RASA2: variants seen among roughly 807,000 people sequenced by gnomAD.
The protein encoded by RASA2 is ras GTPase-activating protein 2.
RASA2 carries 155 observed loss-of-function variants against 118.2 expected under a neutral mutation model. The observed-to-expected ratio is 1.31, with a 90% CI of 1.15 to 1.50. The LOEUF (loss-of-function observed/expected upper bound fraction) is 1.50. Ranked by LOEUF, RASA2 falls within the 40% of genes most tolerant of loss-of-function variation. RASA2 has a pLI of 0.00. For synonymous variants in RASA2, 353 were observed against 349.1 expected (o/e 1.01, Z -0.12); for missense variants, 1,016 against 1,009.6 (o/e 1.01, Z -0.09).
intron 9 of RASA2, among the ~76,000 whole-genome samples, chr3:141,563,291 T>A (rs1482217051): frequency 6.6e-6 from 1 of 152,124 alleles, no homozygotes; most frequent in Non-Finnish European, 1.5e-5. Flanking sequence ...GACATATATA[T>A]ATATGAGTTT....
At chr3:141,569,756 A>G (rs1019732152) in intron 9 of RASA2, among the ~76,000 whole-genome samples, 12 of 152,058 alleles carry the variant, frequency 7.9e-5, no homozygotes. Context: ...AAAGTACCGG[A>G]TGGTTTTTTC....
Position 141,612,275 on chromosome 3 carries a change from T to G in RASA2, c.2520-8T>G, listed in dbSNP as rs771406335. 7.6e-6 allele frequency: 12 copies of G among 1,579,420 alleles called. No individual in the cohort carries two copies. Among genetic ancestry groups the G allele is most frequent in the Non-Finnish European group, 1.0e-5 (12 of 1,153,598 alleles). ...AAATTTTGAAAAATGACTTTTTTTC[T>G]TCTCTAGGGAAAATCCAATTGTTGG... On this transcript the variant is annotated splice_polypyrimidine_tract_variant and splice_region_variant and intron_variant, in intron 23 of 23. Coordinates refer to ENST00000286364, the MANE Select transcript of RASA2 (RefSeq NM_006506.5).
chr3:141,568,199 C>A (rs937467236), intron 9 of RASA2, among the ~76,000 whole-genome samples: 1 of 151,880 alleles, frequency 6.6e-6, no homozygotes, highest in Non-Finnish European at 1.5e-5. Flanking sequence ...ATTATGTACC[C>A]GTTAAAAAGA....
intron 4 of RASA2, among the ~76,000 whole-genome samples, chr3:141,536,999 G>A (rs1198810281): frequency 2.6e-5 from 4 of 151,976 alleles, no homozygotes; most frequent in African/African-American, 9.7e-5. Flanking sequence ...TGCCTGCCTT[G>A]GCCTCCCAAA....
intron 4 of RASA2, among the ~76,000 whole-genome samples, chr3:141,538,273 T>G (rs529023570): frequency 6.6e-6 from 1 of 152,294 alleles, no homozygotes; most frequent in South Asian, 2.1e-4. Context: ...TTTAAATAAT[T>G]TAAAACTTTA....
intron 1 of RASA2, among the ~76,000 whole-genome samples, chr3:141,507,887 G>A (rs1197626287): frequency 6.6e-6 from 1 of 152,166 alleles, no homozygotes; most frequent in Non-Finnish European, 1.5e-5. Flanking sequence ...GCTGGGAAAT[G>A]TATTTTTTAA....
chr3:141,528,539 T>C lies in RASA2; in HGVS notation c.356-1169T>C, dbSNP rs562490316. Among the ~76,000 whole-genome samples, 3 of 152,032 alleles carry C rather than the reference T, an allele frequency of 2.0e-5. No individual in the cohort carries two copies. The South Asian group carries it at 6.2e-4, about 31-fold the overall frequency. ...TTTGAAATTATTTCAAAATACATCT[T>C]TTTTTCTTTTTTCCAGCACTAATGG... On this transcript the variant is annotated intron_variant, in intron 3 of 23. Transcript: ENST00000286364.
intron 2 of RASA2, among the ~76,000 whole-genome samples, chr3:141,513,064 A>AG (rs2081974532): frequency 6.8e-6 from 1 of 146,406 alleles, no homozygotes; most frequent in Non-Finnish European, 1.5e-5. Context: ...ACTCCATCTC[A>AG]GAAAAAAAAA....
chr3:141,559,959 T>G lies in RASA2; in HGVS notation c.827T>G (p.Val276Gly), dbSNP rs1283132582. The change falls in exon 9 of 24, where the codon GTG becomes GGG. Residue 276 changes from valine (V) to glycine (G), a missense_variant. Physicochemically the swap from Val to Gly is moderately radical, Grantham distance 109. Coordinates refer to ENST00000286364, the MANE Select transcript of RASA2 (RefSeq NM_006506.5). ...DVFLGEIKVPVNVLRTDSSHQ... is the reference protein window; with the variant it reads ...DVFLGEIKVPGNVLRTDSSHQ... ...TTCCTAGGTGAGATTAAGGTTCCTG[T>G]GAACGTATTAAGAACTGATTCCTCT... 2 of 1,613,314 alleles carry G rather than the reference T, an allele frequency of 1.2e-6. No homozygotes were observed.
intron 7 of RASA2, among the ~76,000 whole-genome samples, chr3:141,556,696 T>C (rs1036504628): frequency 6.6e-6 from 1 of 152,186 alleles, no homozygotes; most frequent in Non-Finnish European, 1.5e-5. Context: ...TTGCAGTTCA[T>C]ATCAACGTGT....
chr3:141,557,825 GAGAA>G (rs1456146184), intron 7 of RASA2, among the ~76,000 whole-genome samples: 1 of 152,166 alleles, frequency 6.6e-6, no homozygotes, highest in African/African-American at 2.4e-5. Context: ...TAGAAAAAAA[GAGAA>G]AGGAAGTAGT....
chr3:141,512,738 T>G (rs985235944), intron 2 of RASA2, among the ~76,000 whole-genome samples: 1 of 151,914 alleles, frequency 6.6e-6, no homozygotes, highest in Non-Finnish European at 1.5e-5. Context: ...TAGTGCAGAG[T>G]TGTGCTGAGA....
At chr3:141,611,508 C>T (rs2083651257) in intron 23 of RASA2, among the ~76,000 whole-genome samples, 1 of 152,106 alleles carries the variant, frequency 6.6e-6, no homozygotes. Context: ...GTGTTTGCCA[C>T]AGTGAACACT....
At chr3:141,605,619 T>A (rs1183149793) in intron 19 of RASA2, among the ~76,000 whole-genome samples, 1 of 152,178 alleles carries the variant, frequency 6.6e-6, no homozygotes, top group Non-Finnish European at 1.5e-5. Context: ...CTGACTATAA[T>A]GCCCCCTGTA....
chr3:141,556,896 GA>G (rs142470754), intron 7 of RASA2, among the ~76,000 whole-genome samples: 11 of 145,824 alleles, frequency 7.5e-5, no homozygotes, highest in Admixed American at 2.7e-4. Context: ...AAGCAAGGGA[GA>G]AAAAAAAAAC....
chr3:141,503,379 T>G (rs2081814071), intron 1 of RASA2, among the ~76,000 whole-genome samples: 1 of 152,160 alleles, frequency 6.6e-6, no homozygotes, highest in African/African-American at 2.4e-5. Context: ...TAGATAAAAT[T>G]TATATGGTAG....
intron 17 of RASA2, among the ~76,000 whole-genome samples, chr3:141,583,091 A>G (rs1029589984): frequency 6.6e-6 from 1 of 152,122 alleles, no homozygotes; most frequent in Non-Finnish European, 1.5e-5. Context: ...TTTCACTTAT[A>G]TCTCTGTATT....
chr3:141,513,727 G>C (rs1301218978), intron 2 of RASA2, among the ~76,000 whole-genome samples: 1 of 152,124 alleles, frequency 6.6e-6, no homozygotes, highest in East Asian at 1.9e-4. Flanking sequence ...TGAACCAACT[G>C]TTTTCTAGAC....
chr3:141,568,521 T>C (rs2151127132), intron 9 of RASA2, among the ~76,000 whole-genome samples: 1 of 151,954 alleles, frequency 6.6e-6, no homozygotes, highest in African/African-American at 2.4e-5. Context: ...AAAGAGAAAA[T>C]AAAGAAAACG....
Sources: allele counts gnomAD v4.1 joint callset (sites outside exome capture counted in the v4.1 genomes callset), GRCh38; gene constraint gnomAD v4.1.1; transcripts MANE v1.5; gene names NCBI Gene and HGNC (gene_info 2026-07-23, HGNC 2026-07-21).